The following VTI1A variants were observed in gnomAD, a reference collection of about 807,000 sequenced individuals.
VTI1A encodes vesicle transport through interaction with t-SNAREs homolog 1A.
A neutral mutation model predicts 34.9 loss-of-function variants in VTI1A; 22 were observed. The ratio of observed to expected loss-of-function variants is 0.63; its 90% CI spans 0.45 to 0.90. VTI1A has a LOEUF of 0.90. Among genes scored for constraint, VTI1A ranks in the 40% least tolerant of loss-of-function variants. The probability of loss-of-function intolerance (pLI) is 0.00; values close to 1 mark genes in which losing one functional copy is unlikely to be tolerated. For missense variants in VTI1A, 268 were observed against 275.6 expected, an observed-to-expected ratio of 0.97 and a Z score of 0.20; for synonymous variants, 87 against 97.3, an observed-to-expected ratio of 0.89 and a Z score of 0.62.
At chr10:112,741,487 G>A (rs779081144) in intron 7 of VTI1A, among the ~76,000 whole-genome samples, 2 of 152,066 alleles carry the variant, frequency 1.3e-5, no homozygotes. Context: ...GGTTTCTTTT[G>A]CAGTGATGAA....
At chr10:112,684,946 T>A (rs1694696995) in intron 7 of VTI1A, among the ~76,000 whole-genome samples, 2 of 152,234 alleles carry the variant, frequency 1.3e-5, no homozygotes, top group Admixed American at 1.3e-4. Context: ...TATTTTTAGA[T>A]CCTACCCTTC....
chr10:112,589,018 CTTTTTTT>C (rs3057340), intron 5 of VTI1A, among the ~76,000 whole-genome samples: 1 of 129,266 alleles, frequency 7.7e-6, no homozygotes, highest in Admixed American at 7.6e-5. Context: ...GACTCCTTGT[CTTTTTTT>C]TTTTTTTTTT....
rs72821880 is a variant in VTI1A, at chr10:112,469,360, C to T, written c.264+4703C>T. Among the ~76,000 whole-genome samples, 338 of 152,188 alleles carry T rather than the reference C, an allele frequency of 2.2e-3. 1 individual carries two copies. Among genetic ancestry groups the T allele is most frequent in the Non-Finnish European group, 3.5e-3 (236 of 68,004 alleles). Reference sequence around the variant, plus strand: ...ATACCACTGATATTCTGTATCTGTACATCTGTTCATGTACTATGGCTCCTT... The same window carrying T: ...ATACCACTGATATTCTGTATCTGTATATCTGTTCATGTACTATGGCTCCTT... On this transcript the variant is annotated intron_variant, in intron 3 of 7. Transcript: ENST00000393077.
intron 3 of VTI1A, among the ~76,000 whole-genome samples, chr10:112,506,640 C>T (rs1487050374): frequency 8.5e-5 from 13 of 152,158 alleles, no homozygotes; most frequent in Non-Finnish European, 1.8e-4. Context: ...CTATGAGATT[C>T]GTGACATATG....
At chr10:112,459,234 A>C (rs111391167) in intron 1 of VTI1A, among the ~76,000 whole-genome samples, 52 of 151,970 alleles carry the variant, frequency 3.4e-4, no homozygotes, top group African/African-American at 7.5e-4. Flanking sequence ...AACTAACTAT[A>C]TCTCTCTCTC....
chr10:112,560,976 T>C (rs181863596), intron 5 of VTI1A, among the ~76,000 whole-genome samples: 234 of 152,276 alleles, frequency 1.5e-3, no homozygotes, highest in African/African-American at 5.2e-3. Context: ...CAGACCACTT[T>C]TAAGAAGATT....
At chr10:112,692,226 A>G (rs139729165) in intron 7 of VTI1A, among the ~76,000 whole-genome samples, 16 of 152,350 alleles carry the variant, frequency 1.1e-4, no homozygotes, top group South Asian at 8.3e-4. Flanking sequence ...GAAATGCTTT[A>G]AAGTTAATTA....
At chr10:112,559,306 A>G (rs990612339) in intron 5 of VTI1A, among the ~76,000 whole-genome samples, 1 of 152,230 alleles carries the variant, frequency 6.6e-6, no homozygotes, top group Non-Finnish European at 1.5e-5. Context: ...CAGATTGGCA[A>G]CATTGCTCCA....
intron 7 of VTI1A, among the ~76,000 whole-genome samples, chr10:112,771,111 C>T (rs1482708669): frequency 6.6e-6 from 1 of 152,176 alleles, no homozygotes; most frequent in Non-Finnish European, 1.5e-5. Flanking sequence ...CCAAGGTTCA[C>T]ATATGCCCAG....
chr10:112,649,588 A>G (rs1170766042), intron 5 of VTI1A, among the ~76,000 whole-genome samples: 1 of 152,212 alleles, frequency 6.6e-6, no homozygotes, highest in African/African-American at 2.4e-5. Context: ...ACAAGAGGAA[A>G]ACCCATCTGC....
intron 3 of VTI1A, among the ~76,000 whole-genome samples, chr10:112,470,671 G>A (rs901338547): frequency 7.2e-5 from 11 of 152,158 alleles, no homozygotes; most frequent in African/African-American, 2.6e-4. Context: ...GAAGTCAGGA[G>A]TTCACATACC....
At chr10:112,761,564 A>C (rs1181664866) in intron 7 of VTI1A, among the ~76,000 whole-genome samples, 1 of 152,044 alleles carries the variant, frequency 6.6e-6, no homozygotes, top group African/African-American at 2.4e-5. Context: ...ATTTTCTTTT[A>C]AAAAAATATT....
At chr10:112,688,662 C>A (rs541434496) in intron 7 of VTI1A, among the ~76,000 whole-genome samples, 1 of 151,718 alleles carries the variant, frequency 6.6e-6, no homozygotes, top group African/African-American at 2.4e-5. Flanking sequence ...CCTGGGATTA[C>A]AGGCACATAC....
At chr10:112,622,013 G>C (rs552668093) in intron 5 of VTI1A, among the ~76,000 whole-genome samples, 3 of 152,116 alleles carry the variant, frequency 2.0e-5, no homozygotes, top group Non-Finnish European at 2.9e-5. Flanking sequence ...AGGAGACAGA[G>C]AGAGAGAGAG....
At chr10:112,743,013 CG>C (rs1850748352) in intron 7 of VTI1A, among the ~76,000 whole-genome samples, 3 of 141,890 alleles carry the variant, frequency 2.1e-5, no homozygotes, top group Admixed American at 7.0e-5. Flanking sequence ...GACCTATTCT[CG>C]TGTGTGTGTG....
At chr10:112,842,037 C>CTTTTTTCTTTTT in the VTI1A span, among the ~76,000 whole-genome samples, 13 of 39,902 alleles carry the variant, frequency 3.3e-4, no homozygotes, top group African/African-American at 1.1e-3. Flanking sequence ...GAGTTCTTTT[C>CTTTTTTCTTTTT]TTTTTTTTTT....
At chr10:112,684,645 T>G (rs1211676379) in intron 7 of VTI1A, among the ~76,000 whole-genome samples, 1 of 152,128 alleles carries the variant, frequency 6.6e-6, no homozygotes, top group Non-Finnish European at 1.5e-5. Flanking sequence ...TTCACCATGT[T>G]GGTCAGGTTG....
At chr10:112,491,660 T>C (rs1848827654) in intron 3 of VTI1A, among the ~76,000 whole-genome samples, 1 of 152,196 alleles carries the variant, frequency 6.6e-6, no homozygotes, top group Non-Finnish European at 1.5e-5. Flanking sequence ...TATTAAAAAT[T>C]TTAATGAGAT....
intron 5 of VTI1A, among the ~76,000 whole-genome samples, chr10:112,643,049 A>G (rs1222978909): frequency 1.3e-5 from 2 of 149,692 alleles, no homozygotes; most frequent in Non-Finnish European, 3.0e-5. Context: ...CTGTAGCACA[A>G]TCTAGGCTCA....
Sources: gnomAD v4.1 joint callset for allele counts (sites outside exome capture counted in the v4.1 genomes callset) on GRCh38, gnomAD v4.1.1 for gene constraint, MANE v1.5 for transcripts, NCBI Gene and HGNC (gene_info 2026-07-23, HGNC 2026-07-21) for gene names.